Variants in DYM observed in about 807,000 individuals in gnomAD.
DYM encodes dyggve-Melchior-Clausen syndrome protein.
Under a neutral mutation model 93.1 loss-of-function variants are expected in DYM, and 78 were observed. The observed-to-expected ratio is 0.84, with a 90% CI of 0.70 to 1.01. DYM has a LOEUF of 1.01. DYM is among the 50% of genes least tolerant of loss of function. The pLI, the probability that DYM is intolerant of heterozygous loss-of-function variation, is 0.00. For missense variants in DYM, 789 were observed against 845.0 expected (o/e 0.93, Z 0.82); for synonymous variants, 321 against 319.7 (o/e 1.00, Z -0.04).
chr18:49,438,501 A>G (rs1310576528), intron 1 of DYM, among the ~76,000 whole-genome samples: 1 of 152,218 alleles, frequency 6.6e-6, no homozygotes, highest in Non-Finnish European at 1.5e-5. Context: ...AGCATCCCAG[A>G]GCAGGCTCAA....
At chr18:49,209,521 T>C in intron 14 of DYM, 30 bp downstream of exon 14, 1 of 1,274,924 alleles carries the variant, frequency 7.8e-7, no homozygotes, top group Non-Finnish European at 1.0e-6. Flanking sequence ...ACATGCAGCA[T>C]GCAGTAAATG....
intron 2 of DYM, among the ~76,000 whole-genome samples, chr18:49,406,464 G>C (rs1568389585): frequency 6.6e-6 from 1 of 152,030 alleles, no homozygotes; most frequent in Admixed American, 6.6e-5. Flanking sequence ...AGGAGGTTGA[G>C]GCACAAGAAT....
At chr18:49,046,406 A>G (rs2071562758) in intron 17 of DYM, among the ~76,000 whole-genome samples, 1 of 151,002 alleles carries the variant, frequency 6.6e-6, no homozygotes, top group Non-Finnish European at 1.5e-5. Flanking sequence ...GACAAAACAC[A>G]CAAGACACAT....
chr18:49,080,093 C>T (rs1161317832), intron 17 of DYM, among the ~76,000 whole-genome samples: 85 of 105,916 alleles, frequency 8.0e-4, no homozygotes, highest in African/African-American at 1.9e-3. Context: ...CCGGACGGGG[C>T]GGCTGGCCGG....
intron 17 of DYM, among the ~76,000 whole-genome samples, chr18:49,090,068 A>C (rs1040762296): frequency 6.6e-6 from 1 of 152,228 alleles, no homozygotes; most frequent in African/African-American, 2.4e-5. Flanking sequence ...TTCTCATATG[A>C]GGACTAAATG....
In DYM at chr18:49,395,736, A is replaced by C. The variant is rs1380193940; in HGVS notation, c.141-4091T>G. On this transcript the variant is annotated intron_variant, in intron 2 of 17. Coordinates refer to ENST00000675505, the MANE Select transcript of DYM (RefSeq NM_001353214.3). ...CAAAACCACAATGAGATATCACATCACCCAGTTAGAATGGCTATTATTAAA... is the reference window on the plus strand; with the variant it reads ...CAAAACCACAATGAGATATCACATCCCCCAGTTAGAATGGCTATTATTAAA... Among the ~76,000 whole-genome samples the C allele has an allele frequency of 1.3e-5, 2 of 152,206 alleles. 1 individual carries two copies. The highest frequency in any genetic ancestry group is 3.8e-4 in the East Asian group (2 of 5,206).
intron 6 of DYM, among the ~76,000 whole-genome samples, chr18:49,340,557 C>T (rs1284831075): frequency 6.6e-6 from 1 of 152,012 alleles, no homozygotes; most frequent in African/African-American, 2.4e-5. Flanking sequence ...AAGGACAGGC[C>T]TTACAGGAGC....
At chr18:49,444,209 A>C (rs1276029049) in intron 1 of DYM, among the ~76,000 whole-genome samples, 1 of 152,236 alleles carries the variant, frequency 6.6e-6, no homozygotes, top group Non-Finnish European at 1.5e-5. Context: ...GTAATGTCAC[A>C]GGTAAATTTC....
chr18:49,350,282 A>C lies in DYM; in HGVS notation c.494+12879T>G, dbSNP rs62102867. Among the ~76,000 whole-genome samples, 525 of 152,344 alleles carry C rather than the reference A, an allele frequency of 3.4e-3. 3 individuals carry two copies. The highest frequency in any genetic ancestry group is 0.012 in the South Asian group (58 of 4,828). On this transcript the variant is annotated intron_variant, in intron 6 of 17. Transcript: ENST00000675505. ...TTCATAAGATACTGATTAAATTATGATATATTCAGACAATCCATACATAGC... is the reference window on the plus strand; with the variant it reads ...TTCATAAGATACTGATTAAATTATGCTATATTCAGACAATCCATACATAGC...
intron 17 of DYM, among the ~76,000 whole-genome samples, chr18:49,067,419 G>C (rs140659878): frequency 1.1e-4 from 11 of 103,298 alleles, no homozygotes; most frequent in African/African-American, 3.3e-4. Flanking sequence ...TGTTATGGAG[G>C]TTCAGTAGAG....
At chr18:49,076,862 T>G (rs2077350827) in intron 17 of DYM, among the ~76,000 whole-genome samples, 1 of 152,224 alleles carries the variant, frequency 6.6e-6, no homozygotes. Context: ...GGAGAAAGAA[T>G]GCTCTTAAGT....
chr18:49,108,276 G>A (rs1357997280), intron 16 of DYM, among the ~76,000 whole-genome samples: 2 of 152,254 alleles, frequency 1.3e-5, no homozygotes, highest in East Asian at 1.9e-4. Context: ...TAGGGTGGGA[G>A]TGACCCGATT....
At chr18:49,408,204 TTAAC>T (rs1423880161) in intron 2 of DYM, among the ~76,000 whole-genome samples, 1 of 152,260 alleles carries the variant, frequency 6.6e-6, no homozygotes, top group Non-Finnish European at 1.5e-5. Flanking sequence ...ATAACTGGCT[TTAAC>T]TACTTAATAT....
chr18:49,068,854 G>A (rs538141003), intron 17 of DYM, among the ~76,000 whole-genome samples: 2 of 152,226 alleles, frequency 1.3e-5, no homozygotes, highest in East Asian at 1.9e-4. Context: ...TATGGGATTC[G>A]GAATCAGGGT....
chr18:49,239,920 C>G (rs1410253418), intron 13 of DYM, among the ~76,000 whole-genome samples: 3 of 152,124 alleles, frequency 2.0e-5, no homozygotes, highest in African/African-American at 7.2e-5. Flanking sequence ...CACACCCAGG[C>G]AAGATAAGCA....
chr18:49,153,806 G>T lies in DYM; in HGVS notation c.1728+9879C>A, dbSNP rs564025391. ...TAGTAAATCAGTGATATATGCTGCAGGCAAGATCCATCAGTGGATTTCAAA... is the reference window on the plus strand; with the variant it reads ...TAGTAAATCAGTGATATATGCTGCATGCAAGATCCATCAGTGGATTTCAAA... On this transcript the variant is annotated intron_variant, in intron 15 of 17. Transcript: ENST00000675505. Among the ~76,000 whole-genome samples, 3 of 152,278 alleles carry T rather than the reference G, an allele frequency of 2.0e-5. No individual in the cohort carries two copies. The South Asian group carries it at 6.2e-4, about 32-fold the overall frequency.
In DYM at chr18:49,114,622, A is replaced by T. The variant is rs909075662; in HGVS notation, c.1911+4122T>A. The T allele has an allele frequency of 8.3e-5, 80 of 962,142 alleles. 1 individual carries two copies. The South Asian group carries it at 1.2e-3, about 15-fold the overall frequency. 59.6% of individuals were successfully genotyped at this position (962,142 alleles called of 1,614,324 possible). ...TTGCATGGTTCTGTGTGTCCTGATT[A>T]AAAAAAATTAATATGGTCTTTCAGA... On this transcript the variant is annotated intron_variant, in intron 16 of 17. Coordinates refer to ENST00000675505, the MANE Select transcript of DYM (RefSeq NM_001353214.3).
intron 16 of DYM, among the ~76,000 whole-genome samples, chr18:49,099,460 C>A (rs987263786): frequency 1.3e-5 from 2 of 152,068 alleles, no homozygotes; most frequent in African/African-American, 4.8e-5. Flanking sequence ...TTGTACACAT[C>A]TACAAGTAAA....
chr18:49,202,844 C>G (rs1412719485), intron 14 of DYM, among the ~76,000 whole-genome samples: 1 of 101,802 alleles, frequency 9.8e-6, no homozygotes, highest in African/African-American at 3.4e-5. Flanking sequence ...CGGCAGCCAC[C>G]CCATCTGGGA....
Sources: allele counts gnomAD v4.1 joint callset (sites outside exome capture counted in the v4.1 genomes callset), GRCh38; gene constraint gnomAD v4.1.1; transcripts MANE v1.5; gene names NCBI Gene and HGNC (gene_info 2026-07-23, HGNC 2026-07-21).